RUVBL1: variants seen among roughly 807,000 people sequenced by gnomAD.
The protein encoded by RUVBL1 is ruvB-like 1.
In RUVBL1, 4 loss-of-function variants were observed where a neutral mutation model predicts 52.4. The observed-to-expected ratio is 0.08, with a 90% CI of 0.04 to 0.17. The LOEUF (loss-of-function observed/expected upper bound fraction) is 0.17. Among genes scored for constraint, RUVBL1 ranks in the 10% least tolerant of loss-of-function variants. The pLI, the probability that RUVBL1 is intolerant of heterozygous loss-of-function variation, is 1.00. For synonymous variants in RUVBL1, 217 were observed against 214.4 expected (o/e 1.01, Z -0.10); for missense variants, 298 against 572.8 (o/e 0.52, Z 4.90).
rs1197674548 is a variant in RUVBL1, at chr3:128,123,637, C to A, written c.88G>T (p.Gly30Cys). The A allele has an allele frequency of 6.2e-7, 1 of 1,612,288 alleles. No homozygotes were observed. Among genetic ancestry groups the A allele is most frequent in the South Asian group, 1.1e-5 (1 of 91,068 alleles). The change falls in exon 1 of 11, where the codon GGC (glycine) becomes TGC (cysteine). Residue 30 changes from glycine (G) to cysteine (C), a missense_variant. This residue lies in a region of RUVBL1 where 71 missense variants were observed against 125.7 expected (regional missense o/e 0.57). Coordinates refer to ENST00000322623, the MANE Select transcript of RUVBL1 (RefSeq NM_003707.3). ...CCTGAGGCCGCCTGCTTGGCCAAGC[C>A]GCTCTCGTCCAGCCCCAGCCCTTTC... ...HVKGLGLDES[G>C]LAKQAASGLV...
rs561000621 is a variant in RUVBL1 at position 128,123,621 on chromosome 3, G to A, written c.104C>T (p.Ala35Val). 3.1e-6 allele frequency: 5 copies of A among 1,610,338 alleles called. No homozygotes were observed. Among genetic ancestry groups the A allele is most frequent in the East Asian group, 2.2e-5 (1 of 44,814 alleles). Residue 35 changes from alanine (A) to valine (V), a missense_variant, in exon 1 of 11, where the codon GCG becomes GTG. By Grantham distance (64) the Ala-to-Val change is moderately conservative. Around this residue, in one of 5 missense-constraint regions of RUVBL1, gnomAD observed 71 missense variants for 125.7 expected, o/e 0.57. Transcript: ENST00000322623. ...CTCCTGGCCCACAAGCCCTGAGGCC[G>A]CCTGCTTGGCCAAGCCGCTCTCGTC... Reference protein sequence around the residue: ...GLDESGLAKQAASGLVGQENA... With the variant: ...GLDESGLAKQVASGLVGQENA...
intron 1 of RUVBL1, among the ~76,000 whole-genome samples, chr3:128,137,625 A>C (rs2107732543): frequency 6.6e-6 from 1 of 152,314 alleles, no homozygotes; most frequent in African/African-American, 2.4e-5. Context: ...AGAAGAACTA[A>C]TATCAATCCT....
At chr3:128,122,803 C>A (rs1943680347) in intron 1 of RUVBL1, among the ~76,000 whole-genome samples, 1 of 152,184 alleles carries the variant, frequency 6.6e-6, no homozygotes, top group Non-Finnish European at 1.5e-5. Context: ...CAGAAATACA[C>A]GTGGGTGCAA....
At chr3:128,152,704 T>G (rs567493095) in intron 1 of RUVBL1, among the ~76,000 whole-genome samples, 107 of 152,216 alleles carry the variant, frequency 7.0e-4, no homozygotes, top group African/African-American at 2.5e-3. Context: ...CTCGCTGACT[T>G]CAAGAATGGA....
At chr3:128,153,117 T>C (rs1944277832) in intron 1 of RUVBL1, 5 of 638,048 alleles carry the variant, frequency 7.8e-6, no homozygotes, top group Non-Finnish European at 1.0e-5. Context: ...TACAGAGCAC[T>C]GATTGGTGCG....
downstream of RUVBL1, among the ~76,000 whole-genome samples, chr3:128,078,181 G>T (rs547523673): frequency 2.6e-5 from 4 of 152,326 alleles, no homozygotes; most frequent in Non-Finnish European, 4.4e-5. Flanking sequence ...GGTCGACTGG[G>T]AGTGCAACCC....
At chr3:128,096,029 C>T (rs1397191086) in intron 8 of RUVBL1, among the ~76,000 whole-genome samples, 8 of 152,152 alleles carry the variant, frequency 5.3e-5, no homozygotes, top group African/African-American at 1.9e-4. Flanking sequence ...TTATTTCAAA[C>T]TCAGTTTGGC....
rs1481241856 is a variant in RUVBL1, at chr3:128,100,543, C to T, written c.753+52G>A. On this transcript the variant is annotated intron_variant, in intron 6 of 10. Transcript: ENST00000322623. ...CTGACAATTCATTCCCAGATCTCCACACACATACAAAAGGGCTAATGTGCC... is the reference window on the plus strand; with the variant it reads ...CTGACAATTCATTCCCAGATCTCCATACACATACAAAAGGGCTAATGTGCC... 7.2e-6 allele frequency: 11 copies of T among 1,538,404 alleles called. No individual in the cohort carries two copies. The East Asian group carries it at 2.5e-4, about 36-fold the overall frequency.
At chr3:128,088,997 A>T (rs1942743286) in intron 8 of RUVBL1, among the ~76,000 whole-genome samples, 1 of 152,238 alleles carries the variant, frequency 6.6e-6, no homozygotes, top group Admixed American at 6.5e-5. Context: ...TTATAGAGCT[A>T]CACATGAGTT....
At chr3:128,109,714 G>A (rs1003478822) in intron 3 of RUVBL1, among the ~76,000 whole-genome samples, 130 of 149,512 alleles carry the variant, frequency 8.7e-4, no homozygotes, top group African/African-American at 2.9e-3. Context: ...GGCTGGTCTC[G>A]AACTCCTGGG....
intron 7 of RUVBL1, 67 bp from the exon 8 acceptor site, chr3:128,097,565 TC>T: frequency 7.2e-7 from 1 of 1,397,930 alleles, no homozygotes; most frequent in Non-Finnish European, 1.0e-6. Context: ...CCTTTTCTCC[TC>T]CACCTGAATT....
chr3:128,096,734 G>A (rs1003491238), intron 8 of RUVBL1, among the ~76,000 whole-genome samples: 1 of 152,134 alleles, frequency 6.6e-6, no homozygotes, highest in Non-Finnish European at 1.5e-5. Context: ...GGCTGAGGCA[G>A]GAGAATGGTG....
rs557529138 is a variant in RUVBL1, at chr3:128,150,839, C to A, written c.-40+2364G>T. Among the ~76,000 whole-genome samples the A allele has an allele frequency of 3.5e-4, 23 of 66,062 alleles. 1 individual carries two copies. The highest frequency in any genetic ancestry group is 1.2e-3 in the East Asian group (3 of 2,574). 43.3% of individuals were successfully genotyped at this position (66,062 alleles called of 152,430 possible). ...TTATATATTCTATATATTATATATTCTATATATATTCTATATATTATATAT... is the reference window on the plus strand; with the variant it reads ...TTATATATTCTATATATTATATATTATATATATATTCTATATATTATATAT... On this transcript the variant is annotated intron_variant, in intron 1 of 9. Coordinates refer to the RUVBL1 transcript ENST00000464873.
At chr3:128,068,524 G>T (rs1377263827) in intron 9 of RUVBL1, 1 of 163,478 alleles carries the variant, frequency 6.1e-6, no homozygotes, top group East Asian at 1.8e-4. Context: ...GGCACGGAAG[G>T]GGTTGATGTG....
At chr3:128,080,738 T>G (rs913090744), downstream of RUVBL1, among the ~76,000 whole-genome samples, 1 of 152,164 alleles carries the variant, frequency 6.6e-6, no homozygotes, top group Non-Finnish European at 1.5e-5. Flanking sequence ...TAAGGAGACA[T>G]GACAACTAGT....
At chr3:128,128,623 A>C (rs1217583610), upstream of RUVBL1, among the ~76,000 whole-genome samples, 1 of 152,158 alleles carries the variant, frequency 6.6e-6, no homozygotes, top group Admixed American at 6.5e-5. Flanking sequence ...CATCATTTCT[A>C]CTCATATCCC....
At chr3:128,119,538 G>A in intron 1 of RUVBL1, 124 bp from the exon 2 acceptor site, 1 of 700,652 alleles carries the variant, frequency 1.4e-6, no homozygotes, top group South Asian at 2.0e-5. Context: ...CCAGTGCACT[G>A]CAGTCACTGT....
Position 128,068,074 on chromosome 3 carries a change from C to T in RUVBL1, c.940-2854G>A, listed in dbSNP as rs776590879. 9.3e-6 allele frequency: 15 copies of T among 1,609,740 alleles called. No homozygotes were observed. In the South Asian group the frequency reaches 1.6e-4, roughly 18 times the overall value. On this transcript the variant is annotated intron_variant, in intron 9 of 9. Coordinates refer to the RUVBL1 transcript ENST00000464873. ...GAACTCAACCGGTGAGTGGTGGCCCCAGGTCCCCAACCTCCCGTCTGTGGA... is the reference window on the plus strand; with the variant it reads ...GAACTCAACCGGTGAGTGGTGGCCCTAGGTCCCCAACCTCCCGTCTGTGGA...
chr3:128,081,478 C>A lies in RUVBL1; in HGVS notation c.1212-69G>T. On this transcript the variant is annotated intron_variant, in intron 10 of 10. Coordinates refer to ENST00000322623, the MANE Select transcript of RUVBL1 (RefSeq NM_003707.3). The surrounding 1 kb of genome is among the most constrained non-coding windows in gnomAD (Gnocchi z 4.8). The stretch of plus-strand genomic sequence containing the variant: ...CGAAGAAAGCACCTTCCCCCCACAT[C>A]AGTAGGCAGCACTGGCACCAGGAGC... The A allele has an allele frequency of 6.7e-7, 1 of 1,499,732 alleles. No individual in the cohort carries two copies. The highest frequency in any genetic ancestry group is 1.2e-5 in the South Asian group (1 of 81,006). The allele number at this position is 1,499,732 out of a possible 1,614,324, so 92.9% of individuals were successfully genotyped here. A position where few individuals can be genotyped will look rare whatever the true frequency, so the allele number is the denominator to read the frequency against.
Sources: gnomAD v4.1 joint callset for allele counts (sites outside exome capture counted in the v4.1 genomes callset) on GRCh38, gnomAD v4.1.1 for gene constraint, gnomAD v4.1.1 regional missense constraint, Gnocchi (gnomAD v3.1) non-coding constraint, MANE v1.5 for transcripts, NCBI Gene and HGNC (gene_info 2026-07-23, HGNC 2026-07-21) for gene names.